SLC7A8: variants seen among roughly 807,000 people sequenced by gnomAD.
SLC7A8 encodes the protein large neutral amino acids transporter small subunit 2.
A neutral mutation model predicts 51.2 loss-of-function variants in SLC7A8; 30 were observed. The ratio of observed to expected loss-of-function variants is 0.59; its 90% CI spans 0.44 to 0.80. The LOEUF is 0.80. Among genes scored for constraint, SLC7A8 ranks in the 30% least tolerant of loss-of-function variants. The probability of loss-of-function intolerance (pLI) is 0.00; values close to 1 mark genes in which losing one functional copy is unlikely to be tolerated. For missense variants in SLC7A8, 612 were observed against 674.4 expected (o/e 0.91, Z 1.03); for synonymous variants, 257 against 275.8 (o/e 0.93, Z 0.67).
chr14:23,166,487 C>A lies in SLC7A8; in HGVS notation c.205G>T (p.Ala69Ser). ...FVSPKGVLEN[A>S]GSVGLALIVW... ...ATGAGAGCAAGGCCCACAGAACCAG[C>A]ATTCTCCAGCACTCCCTTTGGCGAG... is the stretch of plus-strand genomic sequence containing the variant. The change falls in exon 2 of 11, where the codon GCT (alanine) becomes TCT (serine). Residue 69 changes from alanine to serine, a missense_variant. Transcript: ENST00000316902. 2.5e-6 allele frequency: 4 copies of A among 1,614,192 alleles called. No homozygotes were observed. The highest frequency in any genetic ancestry group is 3.4e-6 in the Non-Finnish European group (4 of 1,180,030).
intron 7 of SLC7A8, among the ~76,000 whole-genome samples, chr14:23,133,393 A>T (rs1187174000): frequency 7.1e-6 from 1 of 140,498 alleles, no homozygotes; most frequent in African/African-American, 2.6e-5. Context: ...GTGAGCTGTG[A>T]TTGTGCCATT....
chr14:23,169,132 T>C (rs573889125), intron 1 of SLC7A8, among the ~76,000 whole-genome samples: 8 of 152,324 alleles, frequency 5.3e-5, no homozygotes, highest in African/African-American at 1.9e-4. Flanking sequence ...AAGGATCACT[T>C]CAGTCCAGGA....
chr14:23,135,077 T>G (rs559750667), intron 7 of SLC7A8, among the ~76,000 whole-genome samples: 4 of 152,054 alleles, frequency 2.6e-5, no homozygotes, highest in Admixed American at 6.6e-5. Flanking sequence ...CTAAAAGTTA[T>G]TATTTTTTTA....
Position 23,139,437 on chromosome 14 carries a change from T to C in SLC7A8, c.899A>G (p.Asn300Ser), listed in dbSNP as rs781139021. The change falls in exon 6 of 11, where the codon AAC becomes AGC. Residue 300 changes from asparagine to serine, a missense_variant. By Grantham distance (46) the Asn-to-Ser change is conservative. Coordinates refer to ENST00000316902, the MANE Select transcript of SLC7A8 (RefSeq NM_012244.4). ...TTCATTTCTTACCACAGCGACGGCG[T>C]TGGATGCCAGCAGCTCCTGGGGGGA... ...AMSPQELLAS[N>S]AVAVTFGEKL... is the part of the protein sequence containing the mutation. 2 of 1,613,946 alleles carry C rather than the reference T, an allele frequency of 1.2e-6. No individual in the cohort carries two copies. Among genetic ancestry groups the C allele is most frequent in the African/African-American group, 1.3e-5 (1 of 74,912 alleles).
In SLC7A8 at chr14:23,155,689, C is replaced by A. The variant is rs76633848; in HGVS notation, c.508+9596G>T. On this transcript the variant is annotated intron_variant, in intron 3 of 10. Coordinates refer to ENST00000316902, the MANE Select transcript of SLC7A8 (RefSeq NM_012244.4). ...GCCTGGGCCTGAAAAATTGCTATCT[C>A]ACACACCAATTCTCAGGGCTGATGT... Among the ~76,000 whole-genome samples the A allele has an allele frequency of 7.0e-3, 1,059 of 152,130 alleles. 16 individuals are homozygous for A. The highest frequency in any genetic ancestry group is 0.024 in the African/African-American group (1,015 of 41,514).
At chr14:23,162,946 G>T (rs752017218) in intron 3 of SLC7A8, among the ~76,000 whole-genome samples, 62 of 152,246 alleles carry the variant, frequency 4.1e-4, no homozygotes, top group Non-Finnish European at 6.0e-4. Context: ...AGCAGCATCA[G>T]CAGGAAAAAG....
At position 23,128,248 on chromosome 14, in the gene SLC7A8, A is replaced by C. The variant is rs777068953; in HGVS notation, c.1264-52T>G. ...GAACTGTGTAGGCCACGTGGCCCCCAGGACTAGGGACTGGGGCATTCTCTC... is the reference window on the plus strand; with the variant it reads ...GAACTGTGTAGGCCACGTGGCCCCCCGGACTAGGGACTGGGGCATTCTCTC... On this transcript the variant is annotated intron_variant, in intron 9 of 10. Transcript: ENST00000316902. The surrounding 1 kb of genome is among the most constrained non-coding windows in gnomAD (Gnocchi z 4.3). 3 of 1,605,976 alleles carry C rather than the reference A, an allele frequency of 1.9e-6. No individual in the cohort carries two copies. In the South Asian group the frequency reaches 3.3e-5, roughly 18 times the overall value.
intron 3 of SLC7A8, among the ~76,000 whole-genome samples, chr14:23,153,818 T>C (rs1027869581): frequency 2.6e-5 from 4 of 152,026 alleles, no homozygotes; most frequent in African/African-American, 7.2e-5. Context: ...AAAGGCTTGG[T>C]TTTCCTTTAA....
In SLC7A8 at chr14:23,131,485, G is replaced by A; in HGVS notation, c.1089C>T (p.Thr363=). 6.2e-7 allele frequency: 1 copy of A among 1,607,746 alleles called. No individual in the cohort carries two copies. Residue 363 remains threonine (T), a synonymous_variant, in exon 8 of 11, where the codon ACC becomes ACT. Coordinates refer to ENST00000316902, the MANE Select transcript of SLC7A8 (RefSeq NM_012244.4). The part of the protein sequence containing the change: ...VLAMIHVKRC[T]PIPALLFTCI... ...CTGTGAAGAGCAGGGCTGGGATTGG[G>A]GTGCAGCGCTTCACGTGGATCATGG...
At chr14:23,155,115 A>G (rs1259614683) in intron 3 of SLC7A8, 4 of 1,500,996 alleles carry the variant, frequency 2.7e-6, no homozygotes, top group Non-Finnish European at 3.6e-6. Context: ...TGCCTATCGC[A>G]CGATAGTAAC....
At chr14:23,143,904 A>G (rs1444375671) in intron 3 of SLC7A8, among the ~76,000 whole-genome samples, 1 of 152,178 alleles carries the variant, frequency 6.6e-6, no homozygotes, top group Non-Finnish European at 1.5e-5. Context: ...GAATCATATA[A>G]TATGTGGTCT....
chr14:23,134,672 C>A (rs1594819210), intron 7 of SLC7A8, among the ~76,000 whole-genome samples: 1 of 152,052 alleles, frequency 6.6e-6, no homozygotes, highest in East Asian at 1.9e-4. Flanking sequence ...ATCCTCTAGT[C>A]TCAGCCTCCT....
chr14:23,127,790 C>T (rs1181944682), intron 10 of SLC7A8, among the ~76,000 whole-genome samples: 1 of 152,206 alleles, frequency 6.6e-6, no homozygotes, highest in Non-Finnish European at 1.5e-5. Flanking sequence ...CCCAGGTTGC[C>T]TATTCTTGCG....
intron 3 of SLC7A8, chr14:23,156,308 T>A (rs1472599875): frequency 6.6e-6 from 1 of 152,250 alleles, no homozygotes; most frequent in Admixed American, 6.5e-5. Context: ...ATTTTTCTCT[T>A]TTTAATAAGG....
At chr14:23,163,566 C>T (rs554141748) in intron 3 of SLC7A8, among the ~76,000 whole-genome samples, 49 of 152,264 alleles carry the variant, frequency 3.2e-4, no homozygotes, top group African/African-American at 1.1e-3. Flanking sequence ...AGCTGCCTGC[C>T]CTGTAAGAGG....
At chr14:23,172,830 T>C (rs986125737) in intron 1 of SLC7A8, among the ~76,000 whole-genome samples, 5 of 152,318 alleles carry the variant, frequency 3.3e-5, no homozygotes, top group African/African-American at 1.2e-4. Context: ...TCATTGAAGT[T>C]TGAAGGTAGA....
At chr14:23,147,665 C>G (rs1004804507) in intron 3 of SLC7A8, among the ~76,000 whole-genome samples, 3 of 152,196 alleles carry the variant, frequency 2.0e-5, no homozygotes, top group African/African-American at 7.2e-5. Context: ...ATTTCCTCCC[C>G]TCTTTCTTTC....
intron 3 of SLC7A8, among the ~76,000 whole-genome samples, chr14:23,147,549 A>G (rs947765320): frequency 6.6e-6 from 1 of 152,222 alleles, no homozygotes; most frequent in African/African-American, 2.4e-5. Flanking sequence ...GGACAAAATA[A>G]AAAGTCATAA....
intron 5 of SLC7A8, among the ~76,000 whole-genome samples, chr14:23,140,127 C>T (rs932738497): frequency 6.6e-6 from 1 of 152,182 alleles, no homozygotes; most frequent in Non-Finnish European, 1.5e-5. Flanking sequence ...GCACCTTTTC[C>T]CCCTGCCTCA....
Sources: gnomAD v4.1 joint callset for allele counts (sites outside exome capture counted in the v4.1 genomes callset) on GRCh38, gnomAD v4.1.1 for gene constraint, Gnocchi (gnomAD v3.1) non-coding constraint, MANE v1.5 for transcripts, NCBI Gene and HGNC (gene_info 2026-07-23, HGNC 2026-07-21) for gene names.